FILIP1: variants seen among roughly 807,000 people sequenced by gnomAD.
FILIP1 encodes filamin-A-interacting protein 1.
Under a neutral mutation model 102.1 loss-of-function variants are expected in FILIP1, and 61 were observed. The observed-to-expected ratio is 0.60, with a 90% CI of 0.49 to 0.74. The LOEUF is 0.74. Among genes scored for constraint, FILIP1 ranks in the 30% least tolerant of loss-of-function variants. The pLI, the probability that FILIP1 is intolerant of heterozygous loss-of-function variation, is 0.00. For missense variants in FILIP1, 1,314 were observed against 1,441.2 expected (o/e 0.91, Z 1.43); for synonymous variants, 491 against 526.9 (o/e 0.93, Z 0.93).
intron 1 of FILIP1, among the ~76,000 whole-genome samples, chr6:75,415,691 A>G (rs909816677): frequency 1.3e-5 from 2 of 152,076 alleles, no homozygotes; most frequent in African/African-American, 4.8e-5. Flanking sequence ...TTTTAATGTC[A>G]TTTACAGTAA....
chr6:75,465,109 AGG>A (rs1779124974), intron 1 of FILIP1: 1 of 163,630 alleles, frequency 6.1e-6, no homozygotes, highest in Non-Finnish European at 1.3e-5. Flanking sequence ...ACTTAAGTCA[AGG>A]AGCAAGAGCA....
chr6:75,341,784 A>G (rs569652750), intron 4 of FILIP1, among the ~76,000 whole-genome samples: 1 of 152,352 alleles, frequency 6.6e-6, no homozygotes, highest in East Asian at 1.9e-4. Context: ...AATTAAATAC[A>G]ATAACAGCTA....
At chr6:75,341,023 A>G (rs1051895404) in intron 4 of FILIP1, among the ~76,000 whole-genome samples, 1 of 151,726 alleles carries the variant, frequency 6.6e-6, no homozygotes, top group African/African-American at 2.4e-5. Context: ...TGTATTTTTC[A>G]TATGAACTTT....
At chr6:75,403,240 G>T (rs1453585800) in intron 2 of FILIP1, among the ~76,000 whole-genome samples, 1 of 152,092 alleles carries the variant, frequency 6.6e-6, no homozygotes, top group Non-Finnish European at 1.5e-5. Context: ...AGGGCCAAGT[G>T]TAGTTGTTCA....
chr6:75,308,013 T>C (rs866550248), downstream of FILIP1: 9 of 982,990 alleles, frequency 9.2e-6, no homozygotes, highest in Middle Eastern at 5.2e-4. Context: ...TAAGAAATTC[T>C]GGGAATCTTA....
At chr6:75,488,147 G>A (rs1779847259) in intron 1 of FILIP1, among the ~76,000 whole-genome samples, 1 of 152,100 alleles carries the variant, frequency 6.6e-6, no homozygotes, top group South Asian at 2.1e-4. Context: ...TTCTTTTGAT[G>A]TCTCAGTGTT....
Position 75,414,889 on chromosome 6 carries a change from A to G in FILIP1, c.84T>C (p.Gly28=). ...TTGCATCTTCTGAGAGACTTTTTTC[A>G]CCAGCATTGCCGATGATGGAGGGCT... ...CPKPSIIGNA[G]EKSLSEDAKK... The change falls in exon 2 of 6, where the codon GGT becomes GGC. Residue 28 remains glycine, a synonymous_variant. Transcript: ENST00000237172. 6.2e-7 allele frequency: 1 copy of G among 1,613,706 alleles called. No homozygotes were observed. Among genetic ancestry groups the G allele is most frequent in the Non-Finnish European group, 8.5e-7 (1 of 1,179,844 alleles).
At chr6:75,426,281 C>G (rs1777623536) in intron 1 of FILIP1, among the ~76,000 whole-genome samples, 1 of 152,144 alleles carries the variant, frequency 6.6e-6, no homozygotes, top group Non-Finnish European at 1.5e-5. Context: ...TCTTCTCTTC[C>G]AGATAAACCA....
intron 5 of FILIP1, among the ~76,000 whole-genome samples, chr6:75,309,270 C>T (rs545891896): frequency 6.6e-6 from 1 of 152,262 alleles, no homozygotes; most frequent in Non-Finnish European, 1.5e-5. Context: ...CTCCTTTCTT[C>T]CATTTCAGAT....
chr6:75,452,426 A>G (rs60574753), intron 1 of FILIP1, among the ~76,000 whole-genome samples: 118 of 152,034 alleles, frequency 7.8e-4, no homozygotes, highest in Non-Finnish European at 1.4e-3. Flanking sequence ...TGTCCCTACA[A>G]AGGACATGAA....
chr6:75,349,080 G>C (rs1774694597), intron 4 of FILIP1, among the ~76,000 whole-genome samples: 1 of 152,146 alleles, frequency 6.6e-6, no homozygotes, highest in South Asian at 2.1e-4. Context: ...AATTGTTCTA[G>C]GCCTCAATGT....
At chr6:75,299,851 T>C (rs1238688894) in intron 6 of FILIP1, among the ~76,000 whole-genome samples, 1 of 152,198 alleles carries the variant, frequency 6.6e-6, no homozygotes, top group Non-Finnish European at 1.5e-5. Context: ...TCATCCTCCT[T>C]GGGTGGTATC....
chr6:75,425,522 T>TTAAGG (rs1177916386), intron 1 of FILIP1, among the ~76,000 whole-genome samples: 1 of 152,112 alleles, frequency 6.6e-6, no homozygotes, highest in Non-Finnish European at 1.5e-5. Flanking sequence ...CACACCCAGC[T>TTAAGG]CCACACTGGC....
intron 1 of FILIP1, chr6:75,465,371 G>T (rs1779132847): frequency 2.1e-6 from 1 of 475,362 alleles, no homozygotes; most frequent in African/African-American, 2.0e-5. Context: ...CCTTTTGTAA[G>T]ATTTGTAACA....
At chr6:75,356,660 G>C (rs1582389954) in intron 3 of FILIP1, among the ~76,000 whole-genome samples, 1 of 151,858 alleles carries the variant, frequency 6.6e-6, no homozygotes, top group South Asian at 2.1e-4. Context: ...GTAGAGACGG[G>C]GTTTCACCAT....
At chr6:75,443,498 T>C (rs1291624725) in intron 1 of FILIP1, among the ~76,000 whole-genome samples, 2 of 152,324 alleles carry the variant, frequency 1.3e-5, no homozygotes, top group South Asian at 4.1e-4. Context: ...TCACTGGGTG[T>C]CTCACTTCAC....
intron 4 of FILIP1, among the ~76,000 whole-genome samples, chr6:75,335,108 T>C (rs1774199504): frequency 1.3e-5 from 2 of 152,164 alleles, no homozygotes; most frequent in African/African-American, 2.4e-5. Flanking sequence ...ATTCAGCACA[T>C]ACTGGAATTT....
At chr6:75,408,737 A>C (rs1776955193) in intron 2 of FILIP1, among the ~76,000 whole-genome samples, 1 of 152,210 alleles carries the variant, frequency 6.6e-6, no homozygotes, top group Admixed American at 6.5e-5. Flanking sequence ...TTTAAGGTAT[A>C]CCTACTATGG....
chr6:75,442,895 A>T (rs553707711), intron 1 of FILIP1, among the ~76,000 whole-genome samples: 23 of 152,364 alleles, frequency 1.5e-4, no homozygotes, highest in Admixed American at 2.6e-4. Context: ...CCTGCAAAGG[A>T]TGAAGGACCA....
Sources: allele counts gnomAD v4.1 joint callset (sites outside exome capture counted in the v4.1 genomes callset), GRCh38; gene constraint gnomAD v4.1.1; transcripts MANE v1.5; gene names NCBI Gene and HGNC (gene_info 2026-07-23, HGNC 2026-07-21).